The following RP1L1 variants were observed in gnomAD, a reference collection of about 807,000 sequenced individuals.
RP1L1 encodes RP1 like 1.
A neutral mutation model predicts 15.7 loss-of-function variants in RP1L1; 27 were observed. That is an observed-to-expected ratio of 1.72 (90% CI 1.27 to 2.38). The LOEUF is 2.38. Ranked by LOEUF, RP1L1 falls within the 30% of genes most tolerant of loss-of-function variation. The pLI is 0.00. For missense variants in RP1L1, 4,798 were observed against 3,075.9 expected (o/e 1.56, Z -13.24); for synonymous variants, 1,813 against 1,276.7 (o/e 1.42, Z -8.96).
chr8:10,638,246 G>C (rs1197949118), intron 1 of RP1L1, among the ~76,000 whole-genome samples: 1 of 152,190 alleles, frequency 6.6e-6, no homozygotes, highest in Non-Finnish European at 1.5e-5. Context: ...GTATTTCCAT[G>C]TATCCACAGG....
In RP1L1 at chr8:10,616,341, G is replaced by C. The variant is rs566302395; in HGVS notation, c.751+105C>G. 918 of 1,449,190 alleles carry C rather than the reference G, an allele frequency of 6.3e-4. 10 individuals carry two copies. In the South Asian group the frequency reaches 9.8e-3, roughly 15 times the overall value. The allele number at this position is 1,449,190 out of a possible 1,614,324, so 89.8% of individuals were successfully genotyped here. On this transcript the variant is annotated intron_variant, in intron 3 of 3. Coordinates refer to ENST00000382483, the MANE Select transcript of RP1L1 (RefSeq NM_178857.6). ...AAATGACTGGGATACCCAAGATCTGGGGCCAAAGGGAAGTTTCCTGAATTA... is the reference window on the plus strand; with the variant it reads ...AAATGACTGGGATACCCAAGATCTGCGGCCAAAGGGAAGTTTCCTGAATTA...
At chr8:10,616,635 C>T (rs748057477) in intron 2 of RP1L1, 48 bp from the exon 3 acceptor site, 3 of 1,578,508 alleles carry the variant, frequency 1.9e-6, no homozygotes, top group East Asian at 2.3e-5. Flanking sequence ...GCAGAAACCC[C>T]TCTACCCTGA....
chr8:10,633,745 T>C (rs1798287933), intron 1 of RP1L1, among the ~76,000 whole-genome samples: 1 of 152,166 alleles, frequency 6.6e-6, no homozygotes, highest in Non-Finnish European at 1.5e-5. Context: ...AAGTACAGAC[T>C]ACACGAGCTT....
chr8:10,623,615 CT>C (rs2117228561), intron 1 of RP1L1, among the ~76,000 whole-genome samples: 1 of 150,670 alleles, frequency 6.6e-6, no homozygotes, highest in South Asian at 2.1e-4. Flanking sequence ...GTCCCCAGCA[CT>C]TCCATGTCCC....
intron 1 of RP1L1, among the ~76,000 whole-genome samples, chr8:10,642,939 A>C (rs1234987466): frequency 6.6e-6 from 1 of 152,220 alleles, no homozygotes; most frequent in African/African-American, 2.4e-5. Flanking sequence ...GTGTTTTGAA[A>C]AATTTTGGAG....
rs773105183 is a variant in RP1L1, at chr8:10,607,179, C to G, written c.6919G>C (p.Gly2307Arg). 2 of 1,614,094 alleles carry G rather than the reference C, an allele frequency of 1.2e-6. No individual in the cohort carries two copies. Among genetic ancestry groups the G allele is most frequent in the Non-Finnish European group, 1.7e-6 (2 of 1,180,042 alleles). The change falls in exon 4 of 4, where the codon GGC becomes CGC. Residue 2307 changes from glycine to arginine, a missense_variant. Coordinates refer to ENST00000382483, the MANE Select transcript of RP1L1 (RefSeq NM_178857.6). ...TCTGAGTCTTTCTGCCAGCAGTTGCCCCAAGAGGATGCTCTGGAGGAGGAA... is the reference window on the plus strand; with the variant it reads ...TCTGAGTCTTTCTGCCAGCAGTTGCGCCAAGAGGATGCTCTGGAGGAGGAA... ...GPSSSRASSWGNCWQKDSEND... is the reference protein window; with the variant it reads ...GPSSSRASSWRNCWQKDSEND...
intron 1 of RP1L1, among the ~76,000 whole-genome samples, chr8:10,644,437 T>C (rs978451944): frequency 2.0e-5 from 3 of 152,200 alleles, no homozygotes; most frequent in Non-Finnish European, 2.9e-5. Flanking sequence ...TGGCCCTGAC[T>C]GTTGAAGGGT....
rs769129592 is a variant in RP1L1 at position 10,622,903 on chromosome 8, C to A, written c.299G>T (p.Gly100Val). Reference sequence around the variant, plus strand: ...CTTCTTATCAGAGCAGAGGTAGCAGCCTCCATCTTCCAGCTGCTCCAGGGC... The same window carrying A: ...CTTCTTATCAGAGCAGAGGTAGCAGACTCCATCTTCCAGCTGCTCCAGGGC... ...LSALEQLEDG[G>V]CYLCSDKKPP... Residue 100 changes from glycine to valine, a missense_variant, in exon 2 of 4, where the codon GGC becomes GTC. Coordinates refer to ENST00000382483, the MANE Select transcript of RP1L1 (RefSeq NM_178857.6). 6.2e-7 allele frequency: 1 copy of A among 1,613,800 alleles called. No homozygotes were observed. The highest frequency in any genetic ancestry group is 1.3e-5 in the African/African-American group (1 of 74,922).
intron 1 of RP1L1, among the ~76,000 whole-genome samples, chr8:10,631,383 A>C (rs1300674077): frequency 8.9e-6 from 1 of 112,046 alleles, no homozygotes; most frequent in African/African-American, 3.3e-5. Flanking sequence ...ACACAAACAC[A>C]CATGCACACA....
rs748807865 is a variant in RP1L1 at position 10,622,952 on chromosome 8, G to T, written c.250C>A (p.Pro84Thr). 4 of 1,614,008 alleles carry T rather than the reference G, an allele frequency of 2.5e-6. No homozygotes were observed. The African/African-American group carries it at 5.3e-5, about 22-fold the overall frequency. ...GCGCTGAGGCTATGCAGGCCCCGGG[G>T]TGTGGTGACAGAGCGCACCCCAAAG... Reference protein sequence around the residue: ...LSFGVRSVTTPRGLHSLSALE... With the variant: ...LSFGVRSVTTTRGLHSLSALE... Residue 84 changes from proline (P) to threonine (T), a missense_variant, in exon 2 of 4, where the codon CCC (proline) becomes ACC (threonine). Physicochemically the swap from Pro to Thr is conservative, Grantham distance 38 (BLOSUM62 -1). Coordinates refer to ENST00000382483, the MANE Select transcript of RP1L1 (RefSeq NM_178857.6).
rs184873506 is a variant in RP1L1, at chr8:10,608,055, C to T, written c.6043G>A (p.Glu2015Lys). Residue 2015 changes from glutamate (E) to lysine (K), a missense_variant, in exon 4 of 4, where the codon GAG becomes AAG. Transcript: ENST00000382483. ...ACACCGTCTGACTCTGGCTGGGCCT[C>T]CTCTTCTGCCTCTTGCATCTCCCCT... is the stretch of plus-strand genomic sequence containing the variant. ...AEGEMQEAEEEAQPESDGVEA... is the reference protein window; with the variant it reads ...AEGEMQEAEEKAQPESDGVEA... The T allele has an allele frequency of 1.8e-5, 29 of 1,612,456 alleles. No homozygotes were observed. The highest frequency in any genetic ancestry group is 2.5e-5 in the Non-Finnish European group (29 of 1,179,648).
At position 10,613,260 on chromosome 8, in the gene RP1L1, G is replaced by C. The variant is rs776043659; in HGVS notation, c.838C>G (p.Pro280Ala). 1 of 1,610,656 alleles carries C rather than the reference G, an allele frequency of 6.2e-7. No homozygotes were observed. Among genetic ancestry groups the C allele is most frequent in the African/African-American group, 1.3e-5 (1 of 75,064 alleles). The change falls in exon 4 of 4, where the codon CCT becomes GCT. Residue 280 changes from proline (P) to alanine (A), a missense_variant. Pro to Ala is a conservative substitution (Grantham distance 27). Coordinates refer to ENST00000382483, the MANE Select transcript of RP1L1 (RefSeq NM_178857.6). ...STPRLPERPG[P>A]SNPPVGPAPG... Reference sequence around the variant, plus strand: ...GCAGGGCCCACCGGGGGGTTGCTAGGACCAGGCCTTTCTGGCAGCCGTGGC... The same window carrying C: ...GCAGGGCCCACCGGGGGGTTGCTAGCACCAGGCCTTTCTGGCAGCCGTGGC...
chr8:10,644,238 G>A (rs1429479891), intron 1 of RP1L1, among the ~76,000 whole-genome samples: 2 of 151,488 alleles, frequency 1.3e-5, no homozygotes, highest in African/African-American at 4.9e-5. Context: ...GTCTCACTAG[G>A]CAGTAAGGAC....
intron 1 of RP1L1, among the ~76,000 whole-genome samples, chr8:10,643,107 C>G (rs191272317): frequency 1.3e-5 from 2 of 152,208 alleles, no homozygotes; most frequent in Admixed American, 1.3e-4. Flanking sequence ...GAGGCCAAGG[C>G]AGGAGGATTG....
intron 2 of RP1L1, among the ~76,000 whole-genome samples, chr8:10,617,399 C>CAAAAAAAAAAAAAAAAA (rs369885056): frequency 3.6e-5 from 3 of 83,012 alleles, no homozygotes; most frequent in Non-Finnish European, 7.4e-5. Flanking sequence ...TGCTCATTAA[C>CAAAAAAAAAAAAAAAAA]AAAAAAAAAA....
intron 1 of RP1L1, among the ~76,000 whole-genome samples, chr8:10,625,368 G>C (rs1288432712): frequency 6.6e-6 from 1 of 152,164 alleles, no homozygotes; most frequent in East Asian, 1.9e-4. Flanking sequence ...GTGAGTCCAG[G>C]AACCTGGGCC....
Position 10,612,115 on chromosome 8 carries a change from C to G in RP1L1, c.1983G>C (p.Pro661=). 1.9e-6 allele frequency: 3 copies of G among 1,613,696 alleles called. No individual in the cohort carries two copies. Among genetic ancestry groups the G allele is most frequent in the Non-Finnish European group, 2.5e-6 (3 of 1,180,034 alleles). ...PSSPGLGRVA[P]RGHPRHSHYR... is the part of the protein sequence containing the mutation. ...AGTGAGAATGCCTGGGATGGCCTCTCGGGGCCACTCGGCCAAGGCCAGGGC... is the reference window on the plus strand; with the variant it reads ...AGTGAGAATGCCTGGGATGGCCTCTGGGGGCCACTCGGCCAAGGCCAGGGC... The change falls in exon 4 of 4, where the codon CCG becomes CCC. Residue 661 remains proline (P), a synonymous_variant. Coordinates refer to ENST00000382483, the MANE Select transcript of RP1L1 (RefSeq NM_178857.6).
chr8:10,615,684 A>G (rs1229408540), intron 3 of RP1L1, among the ~76,000 whole-genome samples: 1 of 151,840 alleles, frequency 6.6e-6, no homozygotes, highest in Non-Finnish European at 1.5e-5. Flanking sequence ...ATGCGCCACC[A>G]TGCCTGGCTA....
In RP1L1 at chr8:10,606,955, G is replaced by A. The variant is rs112520779; in HGVS notation, c.7143C>T (p.Leu2381=). The A allele has an allele frequency of 4.3e-4, 689 of 1,614,230 alleles. 3 individuals are homozygous for A. The African/African-American group carries it at 8.0e-3, about 19-fold the overall frequency. The change falls in exon 4 of 4, where the codon CTC becomes CTT. Residue 2381 remains leucine, a synonymous_variant. Coordinates refer to ENST00000382483, the MANE Select transcript of RP1L1 (RefSeq NM_178857.6). ...DLQEDQALGS[L]APTEAVGRAD... is the part of the protein sequence containing the mutation. ...CCCTGCCCACTGCCTCAGTGGGGGCGAGACTTCCGAGTGCCTGGTCCTCTT... is the reference window on the plus strand; with the variant it reads ...CCCTGCCCACTGCCTCAGTGGGGGCAAGACTTCCGAGTGCCTGGTCCTCTT...
Sources: gnomAD v4.1 joint callset for allele counts (sites outside exome capture counted in the v4.1 genomes callset) on GRCh38, gnomAD v4.1.1 for gene constraint, MANE v1.5 for transcripts, NCBI Gene and HGNC (gene_info 2026-07-23, HGNC 2026-07-21) for gene names.